HYCC2: variants seen among roughly 807,000 people sequenced by gnomAD.
HYCC2 encodes the protein hyccin 2.
chr2:201,003,468 T>C, the HYCC2 span, among the ~76,000 whole-genome samples: 1 of 151,840 alleles, frequency 6.6e-6, no homozygotes, highest in African/African-American at 2.4e-5. Flanking sequence ...CCCAGCACTT[T>C]GGGAGGCTGA....
chr2:201,031,952 C>CATTTT, the HYCC2 span, among the ~76,000 whole-genome samples: 222 of 152,082 alleles, frequency 1.5e-3, no homozygotes, highest in South Asian at 3.1e-3. Context: ...TATTTACTAC[C>CATTTT]ATTTTATTTT....
chr2:200,988,289 T>C, the HYCC2 span: 12 of 1,612,732 alleles, frequency 7.4e-6, no homozygotes, highest in African/African-American at 1.3e-5. Flanking sequence ...TGACGACGGA[T>C]TGAAGCTGTT....
At chr2:201,002,281 C>CAAA in the HYCC2 span, among the ~76,000 whole-genome samples, 1 of 82,852 alleles carries the variant, frequency 1.2e-5, no homozygotes, top group Non-Finnish European at 2.4e-5. Flanking sequence ...ACCAATCAGC[C>CAAA]AAAAAAAAAA....
the HYCC2 span, among the ~76,000 whole-genome samples, chr2:200,982,682 T>G: frequency 1.9e-3 from 282 of 152,344 alleles, 3 homozygotes; most frequent in African/African-American, 6.4e-3. Context: ...TATTGAGATG[T>G]ATTGTCATAA....
At chr2:201,005,531 AATTCCTAAAGGCCTGATGGGCT>A in the HYCC2 span, among the ~76,000 whole-genome samples, 1 of 152,220 alleles carries the variant, frequency 6.6e-6, no homozygotes, top group Non-Finnish European at 1.5e-5. Context: ...TTTATGTCAG[AATTCCTAAAGGCCTGATGGGCT>A]AGGCTATGCC....
the HYCC2 span, chr2:201,011,547 A>G: frequency 3.5e-5 from 29 of 834,224 alleles, no homozygotes; most frequent in African/African-American, 4.9e-4. Context: ...TTCTTAATTT[A>G]CAGAATATAT....
chr2:200,991,410 A>C, the HYCC2 span, among the ~76,000 whole-genome samples: 7 of 152,156 alleles, frequency 4.6e-5, no homozygotes, highest in Non-Finnish European at 1.0e-4. Flanking sequence ...TCTACTAAAA[A>C]TATAAAAAAT....
the HYCC2 span, among the ~76,000 whole-genome samples, chr2:201,068,287 CA>C: frequency 6.7e-5 from 10 of 148,258 alleles, no homozygotes; most frequent in South Asian, 1.9e-3. Flanking sequence ...AACTACGTCT[CA>C]AAAAAAGAAA....
chr2:200,994,763 G>C, the HYCC2 span, among the ~76,000 whole-genome samples: 7 of 152,086 alleles, frequency 4.6e-5, no homozygotes, highest in African/African-American at 1.4e-4. Flanking sequence ...TACTCTGGGA[G>C]ACCAAGGTAG....
the HYCC2 span, chr2:201,067,004 A>G: frequency 6.9e-5 from 24 of 347,792 alleles, no homozygotes; most frequent in Middle Eastern, 1.1e-3. Flanking sequence ...AGAAGACAAC[A>G]TATTTGTGTT....
At chr2:201,038,336 G>A in the HYCC2 span, among the ~76,000 whole-genome samples, 21 of 152,120 alleles carry the variant, frequency 1.4e-4, no homozygotes, top group Non-Finnish European at 2.2e-4. Flanking sequence ...TCAGTGTGGC[G>A]ATTCCTCAGG....
At chr2:201,042,476 CCT>C in the HYCC2 span, among the ~76,000 whole-genome samples, 1 of 151,014 alleles carries the variant, frequency 6.6e-6, no homozygotes, top group Non-Finnish European at 1.5e-5. Flanking sequence ...GTGAAGAGTG[CCT>C]CTGCCCCGCC....
At chr2:201,000,329 C>T in the HYCC2 span, among the ~76,000 whole-genome samples, 1 of 144,838 alleles carries the variant, frequency 6.9e-6, no homozygotes, top group Non-Finnish European at 1.5e-5. Flanking sequence ...GTGCAGGCTG[C>T]AGTAAGCCAT....
At chr2:201,049,523 T>A in the HYCC2 span, among the ~76,000 whole-genome samples, 2 of 151,620 alleles carry the variant, frequency 1.3e-5, no homozygotes, top group Non-Finnish European at 2.9e-5. Context: ...TTTTTTTTTT[T>A]TTTTAATTTT....
chr2:201,028,439 C>A, the HYCC2 span, among the ~76,000 whole-genome samples: 3 of 152,282 alleles, frequency 2.0e-5, no homozygotes, highest in East Asian at 1.9e-4. Flanking sequence ...CAATGACTTT[C>A]TTCACAGAAT....
chr2:201,043,073 G>A, the HYCC2 span, among the ~76,000 whole-genome samples: 3 of 152,272 alleles, frequency 2.0e-5, no homozygotes, highest in Admixed American at 6.5e-5. Flanking sequence ...ACTCCATTTC[G>A]TTCTGTACTA....
the HYCC2 span, chr2:201,017,133 T>C: frequency 8.1e-6 from 13 of 1,613,574 alleles, no homozygotes; most frequent in African/African-American, 4.0e-5. Context: ...TGAGCTACGA[T>C]AGAGCTCAAA....
chr2:201,070,923 G>C, the HYCC2 span, among the ~76,000 whole-genome samples: 1 of 152,044 alleles, frequency 6.6e-6, no homozygotes, highest in African/African-American at 2.4e-5. Context: ...ACTAGTATCT[G>C]TCAAGTCCAT....
chr2:200,990,720 C>T, the HYCC2 span, among the ~76,000 whole-genome samples: 817 of 151,826 alleles, frequency 5.4e-3, 8 homozygotes, highest in African/African-American at 0.019. Flanking sequence ...TACAGGCGCC[C>T]GCCACCGCGC....
Sources: gnomAD v4.1 joint callset for allele counts (sites outside exome capture counted in the v4.1 genomes callset) on GRCh38, gnomAD v4.1.1 for gene constraint, MANE v1.5 for transcripts, NCBI Gene and HGNC (gene_info 2026-07-23, HGNC 2026-07-21) for gene names.